The following KIF26B variants were observed in gnomAD, a reference collection of about 807,000 sequenced individuals.
KIF26B encodes the protein kinesin family member 26B, also known as kinesin-like protein KIF26B.
KIF26B carries 63 observed loss-of-function variants against 151.2 expected under a neutral mutation model. The observed-to-expected ratio is 0.42, with a 90% CI of 0.34 to 0.51. The LOEUF (loss-of-function observed/expected upper bound fraction) is 0.51. Ranked by LOEUF, KIF26B falls within the 20% of genes least tolerant of loss-of-function variation. KIF26B has a pLI of 0.07. For synonymous variants in KIF26B, 1,357 were observed against 1,262.1 expected (o/e 1.08, Z -1.59); for missense variants, 2,813 against 2,913.6 (o/e 0.97, Z 0.79).
intron 2 of KIF26B, among the ~76,000 whole-genome samples, chr1:245,202,759 CA>C (rs56170851): frequency 0.75 from 33,627 of 45,076 alleles, 12,320 homozygotes; most frequent in South Asian, 0.89. Context: ...GACTCCATCT[CA>C]AAAAAAAAAA....
chr1:245,480,672 G>C (rs142591006), intron 4 of KIF26B, among the ~76,000 whole-genome samples: 3 of 151,432 alleles, frequency 2.0e-5, no homozygotes, highest in East Asian at 1.9e-4. Flanking sequence ...ACACTCTGCT[G>C]TCTGTACCTG....
intron 4 of KIF26B, among the ~76,000 whole-genome samples, chr1:245,431,751 A>G (rs748607378): frequency 2.6e-5 from 4 of 152,230 alleles, no homozygotes; most frequent in Non-Finnish European, 4.4e-5. Flanking sequence ...TCCTGGGATT[A>G]CAGGCGTGAG....
chr1:245,555,375 G>A (rs915528440), intron 5 of KIF26B, among the ~76,000 whole-genome samples: 3 of 152,158 alleles, frequency 2.0e-5, no homozygotes, highest in East Asian at 3.9e-4. Flanking sequence ...TTCTCGCCTC[G>A]TCTCTTACGT....
rs576936953 is a variant in KIF26B at position 245,652,741 on chromosome 1, A to T, written c.2258+6461A>T. On this transcript the variant is annotated intron_variant, in intron 10 of 14. Transcript: ENST00000407071. ...ATGAACTCTACACCTCGTCCTTTTC[A>T]TTCTTAAGAGGACCACATTCTGGCC... Among the ~76,000 whole-genome samples, 8 of 152,192 alleles carry T rather than the reference A, an allele frequency of 5.3e-5. No homozygotes were observed. In the South Asian group the frequency reaches 1.7e-3, roughly 32 times the overall value.
rs552627377 is a variant in KIF26B at position 245,611,311 on chromosome 1, C to T, written c.1915-482C>T. On this transcript the variant is annotated intron_variant, in intron 8 of 14. Transcript: ENST00000407071. ...AAACTAGGAGTCAAATGAAAGCTAA[C>T]CAAGTTTTTTTACATCTTTGGGACA... Among the ~76,000 whole-genome samples the T allele has an allele frequency of 1.1e-4, 16 of 152,262 alleles. No homozygotes were observed. The East Asian group carries it at 2.7e-3, about 26-fold the overall frequency.
At chr1:245,357,666 G>T (rs764659028) in intron 2 of KIF26B, among the ~76,000 whole-genome samples, 1 of 151,974 alleles carries the variant, frequency 6.6e-6, no homozygotes, top group Admixed American at 6.5e-5. Context: ...TTTTCTCATG[G>T]TTGATGAGGG....
At chr1:245,617,216 C>T (rs2043600351) in intron 9 of KIF26B, among the ~76,000 whole-genome samples, 1 of 152,196 alleles carries the variant, frequency 6.6e-6, no homozygotes, top group East Asian at 1.9e-4. Context: ...CCTGCCTCAG[C>T]CTCCTGAGTA....
intron 2 of KIF26B, among the ~76,000 whole-genome samples, chr1:245,181,807 A>G (rs6429530): frequency 0.85 from 129,413 of 152,056 alleles, 55,441 homozygotes; most frequent in East Asian, 1. Context: ...GCTTTGTGAG[A>G]CAGAAAAAGG....
Position 245,560,617 on chromosome 1 carries a change from C to T in KIF26B, c.1350+19667C>T, listed in dbSNP as rs766223318. 3.3e-5 allele frequency among the ~76,000 whole-genome samples: 5 copies of T among 152,108 alleles called. No homozygotes were observed. Among genetic ancestry groups the T allele is most frequent in the East Asian group, 1.9e-4 (1 of 5,182 alleles). On this transcript the variant is annotated intron_variant, in intron 5 of 14. Coordinates refer to ENST00000407071, the MANE Select transcript of KIF26B (RefSeq NM_018012.4). This position sits in a 1 kb window ranked among gnomAD's most constrained non-coding sequence, Gnocchi z 4.3. ...GTTGAAAACATCTCAGCGCACTTCA[C>T]GGAGGTTCTCAGAGACCCCATAAGT...
chr1:245,483,746 G>A (rs1406326398), intron 4 of KIF26B, among the ~76,000 whole-genome samples: 1 of 151,712 alleles, frequency 6.6e-6, no homozygotes, highest in Non-Finnish European at 1.5e-5. Context: ...GTGCTGGAAC[G>A]TTCATTTTGC....
chr1:245,474,429 T>A (rs1269593080), intron 4 of KIF26B, among the ~76,000 whole-genome samples: 1 of 149,148 alleles, frequency 6.7e-6, no homozygotes, highest in Admixed American at 6.7e-5. Flanking sequence ...TTGTTTTTTT[T>A]TTTTTGGAGT....
chr1:245,335,236 G>C (rs563720099), intron 2 of KIF26B, among the ~76,000 whole-genome samples: 1 of 152,174 alleles, frequency 6.6e-6, no homozygotes, highest in Non-Finnish European at 1.5e-5. Flanking sequence ...GCAGCCTGGG[G>C]CAAGGCTCAG....
intron 2 of KIF26B, among the ~76,000 whole-genome samples, chr1:245,335,893 G>C (rs916845667): frequency 1.4e-5 from 2 of 147,148 alleles, no homozygotes; most frequent in Non-Finnish European, 3.0e-5. Context: ...AGGGTCCCAC[G>C]CAGGGAAAGA....
intron 4 of KIF26B, among the ~76,000 whole-genome samples, chr1:245,439,482 G>A (rs1036555098): frequency 6.6e-6 from 1 of 152,192 alleles, no homozygotes; most frequent in Non-Finnish European, 1.5e-5. Context: ...CCTCTGGAAG[G>A]AAAAGTGTTA....
rs2044872520 is a variant in KIF26B at position 245,708,806 on chromosome 1, C to T, written c.*6200C>T. ...CCTTCAAGCTCTGGATCTCTAATTC[C>T]ATGATTAGTAATGTATGTATGTGTA... On this transcript the variant is annotated 3_prime_UTR_variant, in exon 15 of 15. Coordinates refer to ENST00000407071, the MANE Select transcript of KIF26B (RefSeq NM_018012.4). 1 of 152,142 alleles carries T rather than the reference C, an allele frequency of 6.6e-6. No homozygotes were observed. Among genetic ancestry groups the T allele is most frequent in the African/African-American group, 2.4e-5 (1 of 41,418 alleles). 9.4% of individuals were successfully genotyped at this position (152,142 alleles called of 1,614,324 possible).
At chr1:245,607,463 G>A (rs547787379) in intron 6 of KIF26B, among the ~76,000 whole-genome samples, 188 bp from the exon 7 acceptor site, 1 of 152,342 alleles carries the variant, frequency 6.6e-6, no homozygotes, top group South Asian at 2.1e-4. Flanking sequence ...TAATGCTCAG[G>A]CTTGCAAAGG....
At chr1:245,221,570 C>A (rs752585869) in intron 2 of KIF26B, among the ~76,000 whole-genome samples, 1 of 150,428 alleles carries the variant, frequency 6.6e-6, no homozygotes, top group Non-Finnish European at 1.5e-5. Context: ...CCACGTCCGG[C>A]TAATTTTTGT....
At chr1:245,200,829 T>C (rs1669285858) in intron 2 of KIF26B, among the ~76,000 whole-genome samples, 1 of 152,224 alleles carries the variant, frequency 6.6e-6, no homozygotes, top group Non-Finnish European at 1.5e-5. Flanking sequence ...TTTCAAACGT[T>C]CTTAAAATCA....
At chr1:245,434,081 C>T (rs947019944) in intron 4 of KIF26B, among the ~76,000 whole-genome samples, 1 of 152,044 alleles carries the variant, frequency 6.6e-6, no homozygotes, top group Non-Finnish European at 1.5e-5. Flanking sequence ...TCATTTTTCT[C>T]TAATAAGTTT....
Sources: gnomAD v4.1 joint callset for allele counts (sites outside exome capture counted in the v4.1 genomes callset) on GRCh38, gnomAD v4.1.1 for gene constraint, Gnocchi (gnomAD v3.1) non-coding constraint, MANE v1.5 for transcripts, NCBI Gene and HGNC (gene_info 2026-07-23, HGNC 2026-07-21) for gene names.